CNKSR2: variants seen among roughly 807,000 people sequenced by gnomAD.
CNKSR2 encodes connector enhancer of kinase suppressor of Ras 2.
In CNKSR2, 14 loss-of-function variants were observed where a neutral mutation model predicts 84.4. That is an observed-to-expected ratio of 0.17 (90% CI 0.11 to 0.26). The LOEUF (loss-of-function observed/expected upper bound fraction) is 0.26. Among genes scored for constraint, CNKSR2 ranks in the 10% least tolerant of loss-of-function variants. The pLI is 1.00. For missense variants in CNKSR2, 485 were observed against 771.2 expected (o/e 0.63, Z 4.40); for synonymous variants, 275 against 277.9 (o/e 0.99, Z 0.10).
intron 14 of CNKSR2, 149 bp downstream of exon 14, chrX:21,590,769 G>C: frequency 1.9e-6 from 1 of 540,181 alleles, no homozygotes; most frequent in South Asian, 3.7e-5. Flanking sequence ...TTCTTCTTCA[G>C]TGCAATTATA....
intron 12 of CNKSR2, 57 bp from the exon 13 acceptor site, chrX:21,563,180 AT>A: frequency 1.1e-5 from 10 of 927,444 alleles, no homozygotes; most frequent in Non-Finnish European, 1.5e-5. Flanking sequence ...TTGAGAAAGA[AT>A]GGTAAATTTG....
chrX:21,540,352 C>T (rs1007719740), intron 11 of CNKSR2, among the ~76,000 whole-genome samples: 2 of 111,507 alleles, frequency 1.8e-5, no homozygotes, highest in Non-Finnish European at 3.8e-5. Flanking sequence ...ATATCTCAGC[C>T]CAGACCCTAA....
In CNKSR2 at chrX:21,432,828, C is replaced by T. The variant is rs373154301; in HGVS notation, c.431+14C>T. 34 of 1,200,036 alleles carry T rather than the reference C, an allele frequency of 2.8e-5. No individual in the cohort carries two copies. In the African/African-American group the frequency reaches 5.6e-4, roughly 20 times the overall value. On this transcript the variant is annotated intron_variant, in intron 3 of 21. Transcript: ENST00000379510. ...CTGGTTGGACAGGTAAAGTCTTCCG[C>T]ATGTTTCATAAGTATCCTCTCCTCA...
At chrX:21,464,886 A>G (rs2091106964) in intron 4 of CNKSR2, among the ~76,000 whole-genome samples, 1 of 112,610 alleles carries the variant, frequency 8.9e-6, no homozygotes, top group Admixed American at 9.4e-5. Flanking sequence ...AAACAAAAAC[A>G]AAAATTTTCT....
At chrX:21,620,209 A>T (rs2092595838) in intron 20 of CNKSR2, among the ~76,000 whole-genome samples, 1 of 111,084 alleles carries the variant, frequency 9.0e-6, no homozygotes, top group African/African-American at 3.3e-5. Context: ...ATTTTTAAGC[A>T]TCTTTTTTTA....
chrX:21,514,195 T>C (rs1011512641), intron 8 of CNKSR2, among the ~76,000 whole-genome samples: 23 of 112,058 alleles, frequency 2.1e-4, no homozygotes, highest in African/African-American at 7.4e-4. Context: ...ATTTAAACAA[T>C]ACTGTGACAC....
At chrX:21,582,112 T>C (rs1459926483) in intron 13 of CNKSR2, among the ~76,000 whole-genome samples, 1 of 111,794 alleles carries the variant, frequency 8.9e-6, no homozygotes, top group African/African-American at 3.3e-5. Context: ...TACCTTAATT[T>C]CTGTCTCAAT....
Position 21,496,008 on chromosome X carries a change from C to A in CNKSR2, c.682-1779C>A, listed in dbSNP as rs753829269. On this transcript the variant is annotated intron_variant, in intron 6 of 21. Transcript: ENST00000379510. ...AGGCTAGATGATAGAGCCTATTGCT[C>A]CTAGTCTACAAACCTGTATAGCATG... Among the ~76,000 whole-genome samples the A allele has an allele frequency of 1.1e-4, 12 of 109,408 alleles. No homozygotes were observed. In the East Asian group the frequency reaches 1.1e-3, roughly 10 times the overall value.
chrX:21,502,739 C>T (rs1390337092), intron 8 of CNKSR2, among the ~76,000 whole-genome samples: 2 of 111,559 alleles, frequency 1.8e-5, no homozygotes, highest in Non-Finnish European at 3.8e-5. Flanking sequence ...AGTTGGTAAA[C>T]GTTTTCAAAA....
intron 21 of CNKSR2, among the ~76,000 whole-genome samples, chrX:21,651,887 G>C (rs1371979327): frequency 8.9e-6 from 1 of 112,127 alleles, no homozygotes; most frequent in Admixed American, 9.5e-5. Context: ...CATAAAGCAG[G>C]AGAAATAGAA....
chrX:21,483,798 T>C (rs760953968), intron 5 of CNKSR2, among the ~76,000 whole-genome samples: 2 of 109,810 alleles, frequency 1.8e-5, no homozygotes, highest in South Asian at 7.7e-4. Flanking sequence ...TGTCAAGTAC[T>C]AAGATACTAA....
In CNKSR2 at chrX:21,563,321, G is replaced by C. The variant is rs1366646395; in HGVS notation, c.1477G>C (p.Gly493Arg). ...MFQRNSKKDTGKKSKKKGDKS... is the reference protein window; with the variant it reads ...MFQRNSKKDTRKKSKKKGDKS... ...TCAGAGAAACAGCAAAAAGGACACA[G>C]GGAAGAAGTCAAAAAAGAAGGGTGA... Residue 493 changes from glycine to arginine, a missense_variant, in exon 13 of 22, where the codon GGG becomes CGG. Around this residue, in one of 5 missense-constraint regions of CNKSR2, gnomAD observed 132 missense variants for 166.7 expected, o/e 0.79. Coordinates refer to ENST00000379510, the MANE Select transcript of CNKSR2 (RefSeq NM_014927.5). 8.3e-7 allele frequency: 1 copy of C among 1,208,218 alleles called. No homozygotes were observed. The highest frequency in any genetic ancestry group is 1.8e-5 in the African/African-American group (1 of 57,080).
chrX:21,532,835 C>G (rs895044392), intron 11 of CNKSR2, among the ~76,000 whole-genome samples: 1 of 111,393 alleles, frequency 9.0e-6, no homozygotes, highest in Admixed American at 9.5e-5. Context: ...TAGCGAGGAG[C>G]TTATACTTTG....
chrX:21,451,776 C>T (rs1188265363), intron 4 of CNKSR2, among the ~76,000 whole-genome samples: 1 of 107,571 alleles, frequency 9.3e-6, no homozygotes, highest in African/African-American at 3.4e-5. Context: ...TGCAGCACAT[C>T]AGCATGGCAC....
At chrX:21,482,057 C>T (rs2091326137) in intron 5 of CNKSR2, among the ~76,000 whole-genome samples, 1 of 111,701 alleles carries the variant, frequency 9.0e-6, no homozygotes, top group African/African-American at 3.3e-5. Flanking sequence ...AAGCCTCCAA[C>T]CTTGTAGTAA....
chrX:21,523,525 T>C (rs1184337730), intron 9 of CNKSR2, among the ~76,000 whole-genome samples: 1 of 111,097 alleles, frequency 9.0e-6, no homozygotes, highest in East Asian at 2.8e-4. Flanking sequence ...CTACTTTTCT[T>C]ACACTGTATT....
chrX:21,394,591 T>C (rs957577457), intron 1 of CNKSR2, among the ~76,000 whole-genome samples: 1 of 111,592 alleles, frequency 9.0e-6, no homozygotes, highest in Non-Finnish European at 1.9e-5. Flanking sequence ...TTGTTGTTGA[T>C]GGGTCCACCA....
At chrX:21,449,670 C>T (rs957144617) in intron 4 of CNKSR2, among the ~76,000 whole-genome samples, 4 of 111,232 alleles carry the variant, frequency 3.6e-5, no homozygotes, top group Non-Finnish European at 7.5e-5. Context: ...TCCTGGGTTG[C>T]TATAGCTTTA....
chrX:21,482,031 G>C (rs2091325791), intron 5 of CNKSR2, among the ~76,000 whole-genome samples: 1 of 112,007 alleles, frequency 8.9e-6, no homozygotes, highest in Admixed American at 9.5e-5. Context: ...GAAACTGAGA[G>C]AATGTGTGTT....
Sources: allele counts gnomAD v4.1 joint callset (sites outside exome capture counted in the v4.1 genomes callset), GRCh38; gene constraint gnomAD v4.1.1; regional missense constraint gnomAD v4.1.1; transcripts MANE v1.5; gene names NCBI Gene and HGNC (gene_info 2026-07-23, HGNC 2026-07-21).